The following LRRC27 variants were observed in gnomAD, a reference collection of about 807,000 sequenced individuals.
LRRC27 encodes the protein leucine-rich repeat-containing protein 27.
Under a neutral mutation model 55.0 loss-of-function variants are expected in LRRC27, and 57 were observed. That is an observed-to-expected ratio of 1.04 (90% CI 0.84 to 1.29). The LOEUF (loss-of-function observed/expected upper bound fraction) is 1.29. LRRC27 is among the 50% of genes most tolerant of loss of function. LRRC27 has a pLI of 0.00. For missense variants in LRRC27, 721 were observed against 651.5 expected (o/e 1.11, Z -1.16); for synonymous variants, 278 against 251.9 (o/e 1.10, Z -0.98).
In LRRC27 at chr10:132,352,418, C is replaced by G. The variant is rs1425440026; in HGVS notation, c.1073+665C>G. Reference sequence around the variant, plus strand: ...GCTCCCTTGTTTGTAGCCCCGAGGCCTCCGTGTGGGGCAGGCGCAGGTGCA... The same window carrying G: ...GCTCCCTTGTTTGTAGCCCCGAGGCGTCCGTGTGGGGCAGGCGCAGGTGCA... On this transcript the variant is annotated intron_variant, in intron 7 of 10. Coordinates refer to ENST00000368614, the MANE Select transcript of LRRC27 (RefSeq NM_030626.3). 1.7e-5 allele frequency among the ~76,000 whole-genome samples: 2 copies of G among 114,978 alleles called. 1 individual carries two copies. Among genetic ancestry groups the G allele is most frequent in the Non-Finnish European group, 3.6e-5 (2 of 55,262 alleles). The allele number at this position is 114,978 out of a possible 152,430, so 75.4% of individuals were successfully genotyped here.
At chr10:132,340,163 G>T (rs1243091866) in intron 3 of LRRC27, among the ~76,000 whole-genome samples, 1 of 152,152 alleles carries the variant, frequency 6.6e-6, no homozygotes, top group Admixed American at 6.5e-5. Context: ...CCAACTCAAC[G>T]TTTACGTTTA....
chr10:132,361,078 G>A (rs968105538), intron 8 of LRRC27, among the ~76,000 whole-genome samples: 1 of 152,210 alleles, frequency 6.6e-6, no homozygotes, highest in Admixed American at 6.5e-5. Context: ...AACAGATCTG[G>A]GGCCCCTGTG....
chr10:132,350,534 TC>T (rs1262492295), intron 6 of LRRC27: 3 of 152,356 alleles, frequency 2.0e-5, no homozygotes, highest in Non-Finnish European at 4.4e-5. Context: ...TCACTGCTGT[TC>T]CCGTGCAGAT....
At chr10:132,373,386 A>C (rs1281162247) in intron 10 of LRRC27, among the ~76,000 whole-genome samples, 2 of 152,134 alleles carry the variant, frequency 1.3e-5, no homozygotes, top group African/African-American at 4.8e-5. Context: ...TCCTGCTAGA[A>C]GGGCCCACAC....
At chr10:132,339,685 G>T (rs74789519) in intron 3 of LRRC27, among the ~76,000 whole-genome samples, 2 of 152,232 alleles carry the variant, frequency 1.3e-5, no homozygotes, top group South Asian at 4.1e-4. Context: ...TTCTTCACAC[G>T]ATCATCATCT....
upstream of LRRC27, among the ~76,000 whole-genome samples, chr10:132,330,759 C>T (rs1043712214): frequency 6.6e-6 from 1 of 150,702 alleles, no homozygotes; most frequent in Non-Finnish European, 1.5e-5. Flanking sequence ...ATCTTCCCAC[C>T]CTGGCCTCCC....
At chr10:132,337,818 ATT>A in intron 3 of LRRC27, 123 bp downstream of exon 3, 1 of 1,185,722 alleles carries the variant, frequency 8.4e-7, no homozygotes, top group Non-Finnish European at 1.2e-6. Context: ...ATTTAATAGT[ATT>A]TTTAAAGCCA....
intron 10 of LRRC27, chr10:132,366,400 C>T (rs1208079176): frequency 1.3e-5 from 2 of 152,510 alleles, no homozygotes; most frequent in Non-Finnish European, 2.9e-5. Context: ...GTTAACCATC[C>T]TCTCAGCCAC....
chr10:132,359,783 T>A (rs1445572734), intron 8 of LRRC27, among the ~76,000 whole-genome samples: 2 of 152,228 alleles, frequency 1.3e-5, no homozygotes, highest in Non-Finnish European at 2.9e-5. Flanking sequence ...TTCATGTCAC[T>A]CTGAAACCAG....
chr10:132,354,626 C>A (rs569264194), intron 7 of LRRC27, among the ~76,000 whole-genome samples: 5 of 152,210 alleles, frequency 3.3e-5, no homozygotes, highest in Non-Finnish European at 7.3e-5. Context: ...TGATCCCAGG[C>A]AGCACTGACT....
intron 10 of LRRC27, among the ~76,000 whole-genome samples, chr10:132,371,764 G>C (rs2069222725): frequency 6.6e-6 from 1 of 152,218 alleles, no homozygotes; most frequent in African/African-American, 2.4e-5. Context: ...CTCCCTTCCT[G>C]GCTGGAATGC....
chr10:132,331,725 G>A (rs11146334), upstream of LRRC27: 1 of 1,612,408 alleles, frequency 6.2e-7, no homozygotes, highest in Admixed American at 1.7e-5. Context: ...CTCCCCAGAC[G>A]GCACTTAGCA....
chr10:132,337,518 AAT>A (rs763833958), intron 2 of LRRC27, 45 bp from the exon 3 acceptor site: 1 of 1,606,406 alleles, frequency 6.2e-7, no homozygotes, highest in South Asian at 1.1e-5. Context: ...ATGTTTTACA[AAT>A]TAGTTGGTTA....
At chr10:132,340,762 G>A (rs149493314) in intron 3 of LRRC27, among the ~76,000 whole-genome samples, 1,728 of 150,374 alleles carry the variant, frequency 0.011, 36 homozygotes, top group African/African-American at 0.037. Context: ...TCAGGAGTTC[G>A]AGACCAGCCT....
chr10:132,355,004 G>T (rs2132984077), intron 7 of LRRC27, among the ~76,000 whole-genome samples: 1 of 152,354 alleles, frequency 6.6e-6, no homozygotes, highest in Non-Finnish European at 1.5e-5. Context: ...GCAGCCCTGG[G>T]CGGCGAGCTG....
Position 132,377,158 on chromosome 10 carries a change from G to T in LRRC27, c.*1916G>T, listed in dbSNP as rs754438596. 6.6e-6 allele frequency: 1 copy of T among 152,034 alleles called. No homozygotes were observed. The highest frequency in any genetic ancestry group is 6.6e-5 in the Admixed American group (1 of 15,260). The allele number at this position is 152,034 out of a possible 1,614,324, so 9.4% of individuals were successfully genotyped here. A position where few individuals can be genotyped will look rare whatever the true frequency, so the allele number is the denominator to read the frequency against. On this transcript the variant is annotated 3_prime_UTR_variant, in exon 11 of 11. Coordinates refer to ENST00000368614, the MANE Select transcript of LRRC27 (RefSeq NM_030626.3). Reference sequence around the variant, plus strand: ...CCTTCTACTGTACTGGATTTAAAGCGCACCTTATAGAGACATCATATACTC... The same window carrying T: ...CCTTCTACTGTACTGGATTTAAAGCTCACCTTATAGAGACATCATATACTC...
intron 9 of LRRC27, among the ~76,000 whole-genome samples, chr10:132,364,182 A>G (rs1164336341): frequency 1.3e-5 from 2 of 151,876 alleles, no homozygotes; most frequent in African/African-American, 2.4e-5. Context: ...TTTCTTTTCC[A>G]TAGTTACTCT....
intron 9 of LRRC27, among the ~76,000 whole-genome samples, chr10:132,364,488 T>TA (rs1374079950): frequency 6.7e-5 from 3 of 44,946 alleles, no homozygotes; most frequent in Non-Finnish European, 1.2e-4. Context: ...CACCCACACT[T>TA]ACACCCACCC....
chr10:132,355,686 C>T, intron 7 of LRRC27, 104 bp from the exon 8 acceptor site: 1 of 836,898 alleles, frequency 1.2e-6, no homozygotes, highest in Non-Finnish European at 2.0e-6. Flanking sequence ...AGCCTGTGCC[C>T]CCTGGAGACA....
Sources: gnomAD v4.1 joint callset for allele counts (sites outside exome capture counted in the v4.1 genomes callset) on GRCh38, gnomAD v4.1.1 for gene constraint, MANE v1.5 for transcripts, NCBI Gene and HGNC (gene_info 2026-07-23, HGNC 2026-07-21) for gene names.